The following NBAS variants were observed in gnomAD, a reference collection of about 807,000 sequenced individuals.
NBAS encodes NAG/BC035112 fusion.
In NBAS, 219 loss-of-function variants were observed where a neutral mutation model predicts 302.5. The ratio of observed to expected loss-of-function variants is 0.72; its 90% confidence interval spans 0.65 to 0.81. The LOEUF is 0.81. Among genes scored for constraint, NBAS ranks in the 30% least tolerant of loss-of-function variants. The pLI is 0.00. For synonymous variants in NBAS, 1,118 were observed against 1,021.6 expected, an observed-to-expected ratio of 1.09 and a Z score of -1.80; for missense variants, 2,932 against 2,841.6, an observed-to-expected ratio of 1.03 and a Z score of -0.72.
the NBAS span, among the ~76,000 whole-genome samples, chr2:15,156,399 G>A: frequency 9.2e-5 from 14 of 152,274 alleles, no homozygotes; most frequent in Middle Eastern, 3.4e-3. Flanking sequence ...AGCTGTCTTC[G>A]TCTGTTCAGG....
chr2:15,066,843 C>T, the NBAS span, among the ~76,000 whole-genome samples: 6 of 151,934 alleles, frequency 3.9e-5, no homozygotes, highest in Non-Finnish European at 5.9e-5. Context: ...TCCAGCAATC[C>T]CACTTCTAAG....
At chr2:15,415,407 A>T in intron 25 of NBAS, 139 bp downstream of exon 25, 1 of 805,712 alleles carries the variant, frequency 1.2e-6, no homozygotes, top group Admixed American at 2.6e-5. Context: ...AAAACTTTTT[A>T]AACAATAAAA....
At chr2:15,457,768 T>G (rs1250600414) in intron 21 of NBAS, among the ~76,000 whole-genome samples, 2 of 152,162 alleles carry the variant, frequency 1.3e-5, no homozygotes, top group African/African-American at 4.8e-5. Context: ...TGAAAATGAA[T>G]ATCAAGTATT....
intron 11 of NBAS, among the ~76,000 whole-genome samples, chr2:15,493,439 A>G (rs4668916): frequency 0.64 from 96,903 of 152,010 alleles, 31,611 homozygotes; most frequent in Non-Finnish European, 0.68. Context: ...AGGCCAAGGC[A>G]GGTGGATTAC....
the NBAS span, among the ~76,000 whole-genome samples, chr2:15,051,343 T>G: frequency 4.5e-4 from 68 of 152,126 alleles, no homozygotes; most frequent in African/African-American, 1.6e-3. Context: ...GTGAAATGTG[T>G]GTGGAATTTA....
intron 42 of NBAS, among the ~76,000 whole-genome samples, chr2:15,284,850 G>A (rs76877250): frequency 0.022 from 3,346 of 152,296 alleles, 82 homozygotes; most frequent in African/African-American, 0.054. Context: ...AAGTGATGGT[G>A]CCAGGAGGTA....
intron 42 of NBAS, among the ~76,000 whole-genome samples, chr2:15,279,161 T>C (rs942894426): frequency 6.6e-6 from 1 of 152,136 alleles, no homozygotes; most frequent in Non-Finnish European, 1.5e-5. Flanking sequence ...TTGACAAAGA[T>C]TTGCAGGCAG....
chr2:14,782,408 AT>A, the NBAS span, among the ~76,000 whole-genome samples: 1 of 152,236 alleles, frequency 6.6e-6, no homozygotes, highest in Non-Finnish European at 1.5e-5. Flanking sequence ...CCGCAATGAA[AT>A]ACCATCTCAC....
At chr2:15,446,796 C>T (rs776075450) in intron 21 of NBAS, among the ~76,000 whole-genome samples, 8 of 151,050 alleles carry the variant, frequency 5.3e-5, no homozygotes, top group Non-Finnish European at 1.0e-4. Flanking sequence ...TAAGTTCTTA[C>T]ATTATACATG....
At chr2:15,096,442 G>C in the NBAS span, among the ~76,000 whole-genome samples, 7 of 152,300 alleles carry the variant, frequency 4.6e-5, no homozygotes, top group East Asian at 1.3e-3. Flanking sequence ...GTGCAGAAAA[G>C]CTTTCTATGC....
At chr2:15,505,594 G>A (rs1021659148) in intron 10 of NBAS, among the ~76,000 whole-genome samples, 1 of 152,116 alleles carries the variant, frequency 6.6e-6, no homozygotes, top group African/African-American at 2.4e-5. Context: ...ATCTGCTAAG[G>A]TATTTGAACT....
At chr2:15,156,723 A>G in the NBAS span, among the ~76,000 whole-genome samples, 3 of 152,106 alleles carry the variant, frequency 2.0e-5, no homozygotes, top group African/African-American at 7.2e-5. Context: ...GGGGCACAAA[A>G]TCCTCCAGAC....
the NBAS span, among the ~76,000 whole-genome samples, chr2:15,137,514 T>G: frequency 6.6e-6 from 1 of 152,128 alleles, no homozygotes; most frequent in Non-Finnish European, 1.5e-5. Flanking sequence ...AACATATAGC[T>G]CTGACTCAAT....
chr2:14,889,433 T>C, the NBAS span, among the ~76,000 whole-genome samples: 2 of 152,320 alleles, frequency 1.3e-5, no homozygotes, highest in East Asian at 3.9e-4. Context: ...AAACTCAAAC[T>C]GAAGGTCTCC....
chr2:14,929,379 T>A, the NBAS span, among the ~76,000 whole-genome samples: 2 of 64,796 alleles, frequency 3.1e-5, no homozygotes, highest in Non-Finnish European at 6.5e-5. Flanking sequence ...ATATTATGTT[T>A]TGTTTTGTTT....
At chr2:14,815,906 T>C in the NBAS span, among the ~76,000 whole-genome samples, 1 of 152,168 alleles carries the variant, frequency 6.6e-6, no homozygotes. Flanking sequence ...TCACACACCA[T>C]CATACTCCTC....
intron 10 of NBAS, among the ~76,000 whole-genome samples, chr2:15,505,391 T>C (rs1661796992): frequency 6.6e-6 from 1 of 152,136 alleles, no homozygotes; most frequent in African/African-American, 2.4e-5. Context: ...GTGGGCATGA[T>C]ATGAAGAGGC....
At chr2:15,459,122 T>G (rs1353480576) in intron 21 of NBAS, among the ~76,000 whole-genome samples, 1 of 152,178 alleles carries the variant, frequency 6.6e-6, no homozygotes, top group African/African-American at 2.4e-5. Flanking sequence ...AACTTTCAAA[T>G]TTCAGGTTAA....
intron 22 of NBAS, among the ~76,000 whole-genome samples, chr2:15,426,299 C>CTG (rs1677474671): frequency 1.3e-5 from 2 of 152,298 alleles, no homozygotes; most frequent in African/African-American, 4.8e-5. Context: ...CTTCACAAGA[C>CTG]TGTATCCCTA....
Sources: gnomAD v4.1 joint callset for allele counts (sites outside exome capture counted in the v4.1 genomes callset) on GRCh38, gnomAD v4.1.1 for gene constraint, MANE v1.5 for transcripts, NCBI Gene and HGNC (gene_info 2026-07-23, HGNC 2026-07-21) for gene names.